Variants in RAPH1 observed in about 807,000 individuals in gnomAD.
The protein encoded by RAPH1 is ras-associated and pleckstrin homology domains-containing protein 1.
RAPH1 carries 18 observed loss-of-function variants against 88.1 expected under a neutral mutation model. That is an observed-to-expected ratio of 0.20 (90% CI 0.14 to 0.30). RAPH1 has a LOEUF of 0.30. Ranked by LOEUF, RAPH1 falls within the 10% of genes least tolerant of loss-of-function variation. The probability of loss-of-function intolerance (pLI) is 1.00; values close to 1 mark genes in which losing one functional copy is unlikely to be tolerated. For synonymous variants in RAPH1, 587 were observed against 559.0 expected, an observed-to-expected ratio of 1.05 and a Z score of -0.71; for missense variants, 1,448 against 1,543.2, an observed-to-expected ratio of 0.94 and a Z score of 1.03.
At chr2:203,453,278 G>A (rs990998982) in intron 10 of RAPH1, among the ~76,000 whole-genome samples, 5 of 152,024 alleles carry the variant, frequency 3.3e-5, no homozygotes, top group Non-Finnish European at 5.9e-5. Context: ...AGGAGCAGTG[G>A]CTCTGCCTGT....
In RAPH1 at chr2:203,442,028, C is replaced by T. The variant is rs944351419; in HGVS notation, c.1777-615G>A. On this transcript the variant is annotated intron_variant, in intron 13 of 13. Coordinates refer to ENST00000319170, the MANE Select transcript of RAPH1 (RefSeq NM_213589.3). ...GTGTGAGACAATTGCATCCAACATG[C>T]ACAGAAGTCCAGCAATGCAGGTAAA... The T allele has an allele frequency of 3.8e-6, 6 of 1,569,856 alleles. No homozygotes were observed. The African/African-American group carries it at 8.3e-5, about 22-fold the overall frequency.
rs770922138 is a variant in RAPH1 at position 203,491,287 on chromosome 2, T to C, written c.153A>G (p.Val51=). The C allele has an allele frequency of 2.9e-5, 47 of 1,613,468 alleles. No homozygotes were observed. Among genetic ancestry groups the C allele is most frequent in the Non-Finnish European group, 3.9e-5 (46 of 1,179,712 alleles). ...SLDSDKPMEP[V]KRSPLRQETN... ...TTTCCTGGCGAAGAGGAGATCTTTTTACTGGTTCCATGGGCTTGTCAGAAT... is the reference window on the plus strand; with the variant it reads ...TTTCCTGGCGAAGAGGAGATCTTTTCACTGGTTCCATGGGCTTGTCAGAAT... Residue 51 remains valine (V), a synonymous_variant, in exon 3 of 14, where the codon GTA becomes GTG. Coordinates refer to ENST00000319170, the MANE Select transcript of RAPH1 (RefSeq NM_213589.3).
At chr2:203,484,940 T>C (rs979347320) in intron 4 of RAPH1, among the ~76,000 whole-genome samples, 7 of 152,196 alleles carry the variant, frequency 4.6e-5, no homozygotes, top group Non-Finnish European at 1.0e-4. Context: ...CAGGCCCTTT[T>C]TGGGCCCATA....
At chr2:203,522,945 G>A (rs1689957488) in intron 1 of RAPH1, among the ~76,000 whole-genome samples, 1 of 150,862 alleles carries the variant, frequency 6.6e-6, no homozygotes, top group Non-Finnish European at 1.5e-5. Flanking sequence ...GAAAAGAGTA[G>A]GGGAGGAATG....
intron 1 of RAPH1, among the ~76,000 whole-genome samples, chr2:203,504,464 C>T (rs1327522791): frequency 6.6e-6 from 1 of 152,170 alleles, no homozygotes; most frequent in African/African-American, 2.4e-5. Flanking sequence ...ACACAGGGCA[C>T]CAAGTCCCTA....
At chr2:203,461,065 G>A (rs776449445) in intron 6 of RAPH1, among the ~76,000 whole-genome samples, 184 bp downstream of exon 6, 1 of 151,958 alleles carries the variant, frequency 6.6e-6, no homozygotes, top group East Asian at 1.9e-4. Flanking sequence ...GCAGTGACCC[G>A]AGATCGTGCC....
chr2:203,466,217 A>G (rs2098528315), intron 4 of RAPH1, among the ~76,000 whole-genome samples: 1 of 152,222 alleles, frequency 6.6e-6, no homozygotes, highest in African/African-American at 2.4e-5. Context: ...ACTGATCATG[A>G]TACCTCTTTT....
At chr2:203,502,866 G>A (rs751712857) in intron 1 of RAPH1, among the ~76,000 whole-genome samples, 12 of 146,004 alleles carry the variant, frequency 8.2e-5, no homozygotes, top group Non-Finnish European at 1.5e-4. Flanking sequence ...GAACCAGGCC[G>A]GGCACAGTGG....
chr2:203,510,602 C>T (rs1217326892), intron 1 of RAPH1, among the ~76,000 whole-genome samples: 3 of 152,112 alleles, frequency 2.0e-5, no homozygotes, highest in African/African-American at 7.2e-5. Flanking sequence ...ACTCAAATAC[C>T]TGCAGGGGTC....
At chr2:203,456,824 GATC>G (rs1184985736) in intron 8 of RAPH1, among the ~76,000 whole-genome samples, 3 of 152,026 alleles carry the variant, frequency 2.0e-5, no homozygotes, top group Non-Finnish European at 4.4e-5. Context: ...TCCAAAAAAT[GATC>G]ATGATTTTAA....
chr2:203,488,128 A>C (rs2105817151), intron 4 of RAPH1, among the ~76,000 whole-genome samples: 1 of 152,310 alleles, frequency 6.6e-6, no homozygotes, highest in East Asian at 1.9e-4. Context: ...TCTTTGATGA[A>C]AACAACTCAA....
chr2:203,517,329 C>T (rs1689658998), intron 1 of RAPH1, among the ~76,000 whole-genome samples: 1 of 136,226 alleles, frequency 7.3e-6, no homozygotes, highest in African/African-American at 2.9e-5. Flanking sequence ...TGCATATGTG[C>T]CTAACAACAG....
chr2:203,515,602 T>C (rs1054594389), intron 1 of RAPH1, among the ~76,000 whole-genome samples: 2 of 152,224 alleles, frequency 1.3e-5, no homozygotes, highest in African/African-American at 2.4e-5. Context: ...GTCTGGTTAT[T>C]AGACCACTTG....
chr2:203,439,548 C>G lies in RAPH1; in HGVS notation c.3642G>C (p.Gln1214His). The change falls in exon 14 of 14, where the codon CAG becomes CAC. Residue 1214 changes from glutamine to histidine, a missense_variant. Around this residue, in one of 2 missense-constraint regions of RAPH1, gnomAD observed 935 missense variants for 890.1 expected, o/e 1.05. Transcript: ENST00000319170. ...TATGACTGCCTCCGTAACCAGCCTT[C>G]TGTTGATCAGACAGCAGTTCAGGGG... ...PPPPELLSDQ[Q>H]KAGYGGSHIS... 2 of 1,614,164 alleles carry G rather than the reference C, an allele frequency of 1.2e-6. No individual in the cohort carries two copies. Among genetic ancestry groups the G allele is most frequent in the Non-Finnish European group, 1.7e-6 (2 of 1,180,026 alleles).
In RAPH1 at chr2:203,454,525, C is replaced by T; in HGVS notation, c.1318G>A (p.Val440Met). The part of the protein sequence containing the change: ...KGKAKVSRDL[V>M]CFLQLDHVNV... ...ACATGATCCAGCTGGAGAAAGCACA[C>T]CAGATCCCGAGAGACCTAAGATAAA... Residue 440 changes from valine to methionine, a missense_variant, in exon 10 of 14, where the codon GTG becomes ATG. This residue lies in a region of RAPH1 where 513 missense variants were observed against 653.1 expected (regional missense o/e 0.79). Transcript: ENST00000319170. 6.2e-7 allele frequency: 1 copy of T among 1,612,916 alleles called. No individual in the cohort carries two copies. Among genetic ancestry groups the T allele is most frequent in the Non-Finnish European group, 8.5e-7 (1 of 1,179,408 alleles).
intron 4 of RAPH1, among the ~76,000 whole-genome samples, chr2:203,479,908 G>A (rs1047603783): frequency 5.3e-5 from 8 of 151,934 alleles, no homozygotes; most frequent in Non-Finnish European, 7.4e-5. Flanking sequence ...TAATATTTAC[G>A]TACTCTTTAT....
chr2:203,470,939 T>C (rs2098532497), intron 4 of RAPH1, among the ~76,000 whole-genome samples: 1 of 152,170 alleles, frequency 6.6e-6, no homozygotes, highest in African/African-American at 2.4e-5. Flanking sequence ...GCAGAGCAAA[T>C]GAATGACATG....
At position 203,439,117 on chromosome 2, in the gene RAPH1, GA is replaced by G. The variant is rs2098500805; in HGVS notation, c.*319del. 3 of 250,714 alleles carry G rather than the reference GA, an allele frequency of 1.2e-5. No individual in the cohort carries two copies. The East Asian group carries it at 2.2e-4, about 19-fold the overall frequency. The allele number at this position is 250,714 out of a possible 1,614,324, so 15.5% of individuals were successfully genotyped here. On this transcript the variant is annotated 3_prime_UTR_variant, in exon 14 of 14. Coordinates refer to ENST00000319170, the MANE Select transcript of RAPH1 (RefSeq NM_213589.3). Reference sequence around the variant, plus strand: ...AATCCACATGATATAGAAATCTTAAGAGACAACACACATCCCCTTCTATGCC... The same window carrying G: ...AATCCACATGATATAGAAATCTTAAGGACAACACACATCCCCTTCTATGCC...
chr2:203,515,694 T>C (rs1689570395), intron 1 of RAPH1, among the ~76,000 whole-genome samples: 1 of 152,132 alleles, frequency 6.6e-6, no homozygotes, highest in Admixed American at 6.5e-5. Flanking sequence ...ATCCAACTTC[T>C]CAGAAACCAT....
Sources: allele counts gnomAD v4.1 joint callset (sites outside exome capture counted in the v4.1 genomes callset), GRCh38; gene constraint gnomAD v4.1.1; regional missense constraint gnomAD v4.1.1; transcripts MANE v1.5; gene names NCBI Gene and HGNC (gene_info 2026-07-23, HGNC 2026-07-21).